PRSS12: variants seen among roughly 807,000 people sequenced by gnomAD.
The protein encoded by PRSS12 is serine protease 12, also known as neurotrypsin.
Under a neutral mutation model 104.4 loss-of-function variants are expected in PRSS12, and 85 were observed. The ratio of observed to expected loss-of-function variants is 0.81; its 90% CI spans 0.68 to 0.98. The LOEUF (loss-of-function observed/expected upper bound fraction) is 0.98. Ranked by LOEUF, PRSS12 falls within the 50% of genes least tolerant of loss-of-function variation. PRSS12 has a pLI of 0.00. For synonymous variants in PRSS12, 454 were observed against 425.2 expected, an observed-to-expected ratio of 1.07 and a Z score of -0.83; for missense variants, 1,141 against 1,139.2, an observed-to-expected ratio of 1.00 and a Z score of -0.02.
intron 1 of PRSS12, among the ~76,000 whole-genome samples, chr4:118,343,926 A>AGC (rs1259206181): frequency 6.6e-6 from 1 of 152,208 alleles, no homozygotes; most frequent in Non-Finnish European, 1.5e-5. Flanking sequence ...TTTTTAAAAA[A>AGC]TCACAGTTTG....
intron 1 of PRSS12, among the ~76,000 whole-genome samples, chr4:118,346,458 TTATATA>T (rs35783323): frequency 6.8e-6 from 1 of 147,838 alleles, no homozygotes; most frequent in African/African-American, 2.5e-5. Context: ...ACTTTCCTAT[TTATATA>T]TATATATATA....
At chr4:118,322,900 AT>A (rs1401444295) in intron 4 of PRSS12, among the ~76,000 whole-genome samples, 3 of 152,032 alleles carry the variant, frequency 2.0e-5, no homozygotes, top group Admixed American at 2.0e-4. Flanking sequence ...TGGTTTTTCA[AT>A]TTTATAAACG....
chr4:118,317,464 A>G (rs968159636), intron 5 of PRSS12, among the ~76,000 whole-genome samples: 14 of 152,188 alleles, frequency 9.2e-5, no homozygotes, highest in African/African-American at 3.4e-4. Context: ...TATTAATATA[A>G]TATTTTACTG....
At chr4:118,305,993 T>C (rs1743540935) in intron 8 of PRSS12, 1 of 152,232 alleles carries the variant, frequency 6.6e-6, no homozygotes, top group Non-Finnish European at 1.5e-5. Context: ...TCTTGGCTAT[T>C]GCAAATAATG....
intron 6 of PRSS12, 71 bp from the exon 7 acceptor site, chr4:118,313,468 C>T: frequency 6.7e-7 from 1 of 1,492,926 alleles, no homozygotes; most frequent in East Asian, 2.3e-5. Flanking sequence ...AAACATTTAA[C>T]ACAAGCAACT....
chr4:118,284,945 C>G (rs1454844962), intron 11 of PRSS12, among the ~76,000 whole-genome samples: 1 of 152,078 alleles, frequency 6.6e-6, no homozygotes, highest in Non-Finnish European at 1.5e-5. Context: ...AGTTGGTATT[C>G]AAAAGCTTGG....
chr4:118,303,539 C>T (rs973068560), intron 8 of PRSS12: 4 of 152,076 alleles, frequency 2.6e-5, no homozygotes, highest in African/African-American at 7.2e-5. Flanking sequence ...CAATTAAGGA[C>T]TCTGCCATCC....
At chr4:118,323,551 A>G (rs1723688436) in intron 4 of PRSS12, among the ~76,000 whole-genome samples, 1 of 151,952 alleles carries the variant, frequency 6.6e-6, no homozygotes, top group South Asian at 2.1e-4. Flanking sequence ...GAAAGAAAAG[A>G]AAACTAAAAA....
intron 8 of PRSS12, among the ~76,000 whole-genome samples, chr4:118,301,589 T>C (rs1245120043): frequency 2.0e-5 from 3 of 152,230 alleles, no homozygotes; most frequent in Non-Finnish European, 4.4e-5. Context: ...ATTTCTATTT[T>C]GTCTTCACAT....
intron 1 of PRSS12, among the ~76,000 whole-genome samples, chr4:118,341,034 T>C (rs1031328739): frequency 1.3e-5 from 2 of 152,120 alleles, no homozygotes; most frequent in Non-Finnish European, 2.9e-5. Context: ...TTAAGGCCAG[T>C]TTTTACACAG....
At chr4:118,330,711 T>A (rs1035268367) in intron 4 of PRSS12, among the ~76,000 whole-genome samples, 9 of 152,342 alleles carry the variant, frequency 5.9e-5, no homozygotes, top group Middle Eastern at 3.4e-3. Flanking sequence ...GTTGTGATAA[T>A]GATAATTTGG....
intron 8 of PRSS12, among the ~76,000 whole-genome samples, chr4:118,302,684 C>A (rs1385722065): frequency 6.6e-6 from 1 of 152,182 alleles, no homozygotes; most frequent in African/African-American, 2.4e-5. Flanking sequence ...GCCGCGGCCT[C>A]CCAAAGTGCT....
At chr4:118,296,358 C>T (rs577512091) in intron 9 of PRSS12, among the ~76,000 whole-genome samples, 34 of 152,056 alleles carry the variant, frequency 2.2e-4, no homozygotes, top group Non-Finnish European at 4.3e-4. Flanking sequence ...TGTCAACATA[C>T]GGAAAGGGTT....
chr4:118,321,911 T>C (rs559776766), intron 4 of PRSS12, among the ~76,000 whole-genome samples: 1 of 152,302 alleles, frequency 6.6e-6, no homozygotes, highest in South Asian at 2.1e-4. Context: ...AATGCATGTA[T>C]GTGTTATTTT....
chr4:118,350,967 C>T (rs1438693357), intron 1 of PRSS12, among the ~76,000 whole-genome samples: 2 of 152,080 alleles, frequency 1.3e-5, no homozygotes, highest in African/African-American at 2.4e-5. Flanking sequence ...TGGTGAATAA[C>T]GAGACAATGC....
At chr4:118,331,337 GACA>G (rs1487939567) in intron 4 of PRSS12, among the ~76,000 whole-genome samples, 2 of 152,152 alleles carry the variant, frequency 1.3e-5, no homozygotes, top group South Asian at 2.1e-4. Flanking sequence ...CAAAAGTTTA[GACA>G]ACATTTCATG....
rs938724023 is a variant in PRSS12, at chr4:118,343,592, A to G, written c.503-5278T>C. ...GATAACATAGCAAGACCCCACCTCTACAAAAAATTTTAAAATTAGCTGGGC... is the reference window on the plus strand; with the variant it reads ...GATAACATAGCAAGACCCCACCTCTGCAAAAAATTTTAAAATTAGCTGGGC... On this transcript the variant is annotated intron_variant, in intron 1 of 12. Transcript: ENST00000296498. Among the ~76,000 whole-genome samples the G allele has an allele frequency of 2.0e-5, 3 of 152,238 alleles. No homozygotes were observed. In the East Asian group the frequency reaches 5.8e-4, roughly 30 times the overall value.
chr4:118,286,793 T>A (rs1743024425), intron 11 of PRSS12, among the ~76,000 whole-genome samples: 1 of 151,842 alleles, frequency 6.6e-6, no homozygotes, highest in Non-Finnish European at 1.5e-5. Context: ...CCCATGAAAA[T>A]CCATGGGGTT....
chr4:118,282,526 G>C (rs1418550146), intron 12 of PRSS12, among the ~76,000 whole-genome samples: 1 of 152,198 alleles, frequency 6.6e-6, no homozygotes, highest in African/African-American at 2.4e-5. Flanking sequence ...ATTTGTGCAG[G>C]CTTTCGTATT....
Sources: allele counts gnomAD v4.1 joint callset (sites outside exome capture counted in the v4.1 genomes callset), GRCh38; gene constraint gnomAD v4.1.1; transcripts MANE v1.5; gene names NCBI Gene and HGNC (gene_info 2026-07-23, HGNC 2026-07-21).